The following SAMD5 variants were observed in gnomAD, a reference collection of about 807,000 sequenced individuals.
The protein encoded by SAMD5 is sterile alpha motif domain-containing protein 5.
A neutral mutation model predicts 11.3 loss-of-function variants in SAMD5; 13 were observed. The observed-to-expected ratio is 1.15, with a 90% CI of 0.75 to 1.83. The LOEUF (loss-of-function observed/expected upper bound fraction) is 1.83, where lower values mean the gene tolerates loss of function less well. Among genes scored for constraint, SAMD5 ranks in the 40% most tolerant of loss-of-function variants. The pLI, the probability that SAMD5 is intolerant of heterozygous loss-of-function variation, is 0.00. For synonymous variants in SAMD5, 129 were observed against 111.3 expected, an observed-to-expected ratio of 1.16 and a Z score of -1.00; for missense variants, 255 against 239.1, an observed-to-expected ratio of 1.07 and a Z score of -0.44.
chr6:147,571,934 A>G (rs1008961585), downstream of SAMD5, among the ~76,000 whole-genome samples: 1 of 151,630 alleles, frequency 6.6e-6, no homozygotes, highest in African/African-American at 2.4e-5. Flanking sequence ...TGCTAAACAC[A>G]CCCTGTGAAA....
rs540790075 is a variant in SAMD5 at position 147,531,162 on chromosome 6, T to G, written c.459+21775T>G. ...AAAATGATAGTCTTAAAAGTTTTTTTTTTTTTTTTGTCAATTTTAGAGATG... is the reference window on the plus strand; with the variant it reads ...AAAATGATAGTCTTAAAAGTTTTTTGTTTTTTTTTGTCAATTTTAGAGATG... On this transcript the variant is annotated intron_variant, in intron 1 of 1. Transcript: ENST00000367474. Among the ~76,000 whole-genome samples the G allele has an allele frequency of 1.3e-3, 203 of 152,164 alleles. 1 individual carries two copies. The highest frequency in any genetic ancestry group is 2.3e-3 in the Admixed American group (35 of 15,294).
At chr6:147,836,176 G>GA in the SAMD5 span, among the ~76,000 whole-genome samples, 1 of 152,162 alleles carries the variant, frequency 6.6e-6, no homozygotes, top group Non-Finnish European at 1.5e-5. Context: ...TCATTAAGCT[G>GA]ATTCCTTTAG....
chr6:147,805,805 A>T, the SAMD5 span, among the ~76,000 whole-genome samples: 3 of 152,328 alleles, frequency 2.0e-5, no homozygotes, highest in East Asian at 3.9e-4. Context: ...AAAATTAAAA[A>T]TATTGAAGGG....
chr6:147,783,969 A>G, the SAMD5 span, among the ~76,000 whole-genome samples: 1 of 152,152 alleles, frequency 6.6e-6, no homozygotes, highest in Non-Finnish European at 1.5e-5. Flanking sequence ...TCCTCAGGGC[A>G]GAGAGTGGTC....
intron 1 of SAMD5, among the ~76,000 whole-genome samples, chr6:147,582,898 G>A (rs7774570): frequency 0.33 from 50,337 of 151,994 alleles, 8,488 homozygotes; most frequent in East Asian, 0.36. Flanking sequence ...GGTCTGTAAC[G>A]TGTGCCTACC....
chr6:147,529,575 C>T (rs764652305), intron 1 of SAMD5, among the ~76,000 whole-genome samples: 7 of 152,256 alleles, frequency 4.6e-5, no homozygotes, highest in Middle Eastern at 3.4e-3. Context: ...TTACAGACAA[C>T]CTCATAGGAA....
At chr6:147,685,130 A>G (rs1006217875) in intron 1 of SAMD5, among the ~76,000 whole-genome samples, 5 of 152,208 alleles carry the variant, frequency 3.3e-5, no homozygotes, top group African/African-American at 1.2e-4. Flanking sequence ...TCAGATTTAT[A>G]TGGCTTATTC....
intron 1 of SAMD5, among the ~76,000 whole-genome samples, chr6:147,594,872 T>A (rs1162918253): frequency 1.3e-5 from 2 of 152,354 alleles, no homozygotes; most frequent in East Asian, 3.9e-4. Context: ...TTCAGTATCA[T>A]TTTATTAACT....
intron 1 of SAMD5, among the ~76,000 whole-genome samples, chr6:147,642,702 T>C (rs941243367): frequency 6.6e-6 from 1 of 152,220 alleles, no homozygotes; most frequent in Non-Finnish European, 1.5e-5. Flanking sequence ...AAACTGACTT[T>C]TTGTTTTCTT....
chr6:147,771,314 C>G, the SAMD5 span, among the ~76,000 whole-genome samples: 1 of 152,184 alleles, frequency 6.6e-6, no homozygotes, highest in Non-Finnish European at 1.5e-5. Context: ...CCTGTGATGG[C>G]ACATCCCTAC....
intron 1 of SAMD5, among the ~76,000 whole-genome samples, chr6:147,668,696 T>C (rs1234998886): frequency 2.0e-5 from 3 of 152,046 alleles, no homozygotes; most frequent in Admixed American, 6.6e-5. Flanking sequence ...ATACAAAAAT[T>C]AGCTGGGCGT....
the SAMD5 span, among the ~76,000 whole-genome samples, chr6:147,803,249 T>C: frequency 6.6e-6 from 1 of 151,640 alleles, no homozygotes; most frequent in South Asian, 2.1e-4. Flanking sequence ...TCTTCGTTGA[T>C]TCTCACACAA....
intron 1 of SAMD5, among the ~76,000 whole-genome samples, chr6:147,694,681 G>T (rs1014865306): frequency 6.6e-6 from 1 of 152,144 alleles, no homozygotes. Context: ...GCCAGGCACG[G>T]TAGCTCAAAC....
intron 1 of SAMD5, among the ~76,000 whole-genome samples, chr6:147,560,770 C>T (rs1439443667): frequency 2.0e-5 from 3 of 152,140 alleles, no homozygotes; most frequent in Non-Finnish European, 4.4e-5. Flanking sequence ...ATAACTTTTA[C>T]TGCCTCTCCC....
downstream of SAMD5, among the ~76,000 whole-genome samples, chr6:147,571,525 T>C (rs1789138655): frequency 6.8e-6 from 1 of 146,870 alleles, no homozygotes; most frequent in Non-Finnish European, 1.5e-5. Context: ...GAGGACAGAG[T>C]ACATTCGTGT....
chr6:147,856,943 TA>T, the SAMD5 span, among the ~76,000 whole-genome samples: 1 of 151,740 alleles, frequency 6.6e-6, no homozygotes, highest in Non-Finnish European at 1.5e-5. Flanking sequence ...AGAGGGTGAT[TA>T]GCTTCCCTTT....
chr6:147,708,551 G>C (rs1791355582), intron 1 of SAMD5, among the ~76,000 whole-genome samples: 2 of 152,176 alleles, frequency 1.3e-5, no homozygotes, highest in South Asian at 4.1e-4. Flanking sequence ...ATGGGAGCTT[G>C]ATAAAATGAT....
At chr6:147,669,044 G>A (rs1284332599) in intron 1 of SAMD5, among the ~76,000 whole-genome samples, 3 of 152,058 alleles carry the variant, frequency 2.0e-5, no homozygotes, top group African/African-American at 7.2e-5. Flanking sequence ...TCAGGGTGGT[G>A]GTTGCAGAAC....
At chr6:147,675,699 A>T (rs1465287419) in intron 1 of SAMD5, among the ~76,000 whole-genome samples, 1 of 152,190 alleles carries the variant, frequency 6.6e-6, no homozygotes, top group Non-Finnish European at 1.5e-5. Flanking sequence ...GTGGCCATTG[A>T]TTGGTCCAGT....
Sources: allele counts gnomAD v4.1 joint callset (sites outside exome capture counted in the v4.1 genomes callset), GRCh38; gene constraint gnomAD v4.1.1; transcripts MANE v1.5; gene names NCBI Gene and HGNC (gene_info 2026-07-23, HGNC 2026-07-21).